ZNF417: variants seen among roughly 807,000 people sequenced by gnomAD.
ZNF417 encodes zinc finger protein 417.
A neutral mutation model predicts 7.4 loss-of-function variants in ZNF417; 5 were observed. The ratio of observed to expected loss-of-function variants is 0.68; its 90% CI spans 0.35 to 1.43. ZNF417 has a LOEUF of 1.43. ZNF417 is among the 40% of genes most tolerant of loss of function. The pLI, the probability that ZNF417 is intolerant of heterozygous loss-of-function variation, is 0.04. For missense variants in ZNF417, 437 were observed against 697.3 expected, an observed-to-expected ratio of 0.63 and a Z score of 4.20; for synonymous variants, 147 against 239.1, an observed-to-expected ratio of 0.61 and a Z score of 3.55.
intron 1 of ZNF417, among the ~76,000 whole-genome samples, chr19:57,913,401 G>C (rs988986164): frequency 3.9e-5 from 6 of 152,120 alleles, no homozygotes; most frequent in African/African-American, 1.4e-4. Context: ...TCACTTTTGT[G>C]CTGCACCAGC....
chr19:57,916,458 G>C lies in ZNF417; in HGVS notation c.-47C>G. 6.2e-7 allele frequency: 1 copy of C among 1,613,160 alleles called. No individual in the cohort carries two copies. The highest frequency in any genetic ancestry group is 1.1e-5 in the South Asian group (1 of 91,020). On this transcript the variant is annotated 5_prime_UTR_variant, in exon 1 of 3. Coordinates refer to ENST00000312026, the MANE Select transcript of ZNF417 (RefSeq NM_152475.3). The stretch of plus-strand genomic sequence containing the variant: ...GCCCGGGAGCAGTGGTCGCCGTCAC[G>C]GGGCTGCAGAGCCGCCTCTGGGCAC...
intron 1 of ZNF417, among the ~76,000 whole-genome samples, chr19:57,913,610 G>C (rs1001800470): frequency 3.3e-5 from 5 of 152,206 alleles, no homozygotes; most frequent in Admixed American, 2.6e-4. Context: ...GTGATAAATA[G>C]TTACAACTTG....
chr19:57,915,516 C>A (rs775627325), intron 1 of ZNF417: 1 of 467,960 alleles, frequency 2.1e-6, no homozygotes. Context: ...GTGAAACCGT[C>A]TTTGCAAAAT....
Position 57,906,844 on chromosome 19 carries a change from G to GTT in ZNF417, c.*1705_*1706insAA. On this transcript the variant is annotated 3_prime_UTR_variant, in exon 3 of 3. Transcript: ENST00000312026. ...ATAAAAGGTAACATTTAGGGATTGA[G>GTT]ATTTTTTTTTTTTTTTTTTTTTTTT... 7.3e-6 allele frequency: 1 copy of GTT among 136,312 alleles called. No homozygotes were observed. Among genetic ancestry groups the GTT allele is most frequent in the African/African-American group, 2.8e-5 (1 of 36,340 alleles). The allele number at this position is 136,312 out of a possible 1,614,324, so 8.4% of individuals were successfully genotyped here.
Position 57,916,542 on chromosome 19 carries a change from A to C in ZNF417, c.-131T>G. The stretch of plus-strand genomic sequence containing the variant: ...TCACCGCGGTCCCCCCCCAGCACTC[A>C]GGGGCCACAAACTGGGGAAACACCC... On this transcript the variant is annotated 5_prime_UTR_variant, in exon 1 of 3. Transcript: ENST00000312026. The C allele has an allele frequency of 1.3e-6, 2 of 1,537,488 alleles. No homozygotes were observed. Among genetic ancestry groups the C allele is most frequent in the Admixed American group, 4.2e-5 (2 of 47,130 alleles).
At chr19:57,912,859 T>G (rs558862423) in intron 1 of ZNF417, among the ~76,000 whole-genome samples, 230 of 152,096 alleles carry the variant, frequency 1.5e-3, no homozygotes, top group Non-Finnish European at 2.5e-3. Flanking sequence ...AAGTGATCCA[T>G]CCGCCTTGGC....
In ZNF417 at chr19:57,907,010, T is replaced by G. The variant is rs577713197; in HGVS notation, c.*1540A>C. 6.6e-6 allele frequency: 1 copy of G among 151,226 alleles called. No homozygotes were observed. Among genetic ancestry groups the G allele is most frequent in the Non-Finnish European group, 1.5e-5 (1 of 67,876 alleles). 9.4% of individuals were successfully genotyped at this position (151,226 alleles called of 1,614,324 possible). On this transcript the variant is annotated 3_prime_UTR_variant, in exon 3 of 3. Coordinates refer to ENST00000312026, the MANE Select transcript of ZNF417 (RefSeq NM_152475.3). ...CTGGGACTACAGGCACCCACCACTATGCTTGGGTAATTTTTGTATTTTTAG... is the reference window on the plus strand; with the variant it reads ...CTGGGACTACAGGCACCCACCACTAGGCTTGGGTAATTTTTGTATTTTTAG...
rs35069551 is a variant in ZNF417 at position 57,905,901 on chromosome 19, C to G, written c.*2649G>C. On this transcript the variant is annotated 3_prime_UTR_variant, in exon 3 of 3. Coordinates refer to ENST00000312026, the MANE Select transcript of ZNF417 (RefSeq NM_152475.3). ...AAGTTGTATTAATTCAAGACAAGAGCCTGCAGAGACTAAAATTGCTTAGTA... is the reference window on the plus strand; with the variant it reads ...AAGTTGTATTAATTCAAGACAAGAGGCTGCAGAGACTAAAATTGCTTAGTA... Among the ~76,000 whole-genome samples, 14 of 152,282 alleles carry G rather than the reference C, an allele frequency of 9.2e-5. No homozygotes were observed. Among genetic ancestry groups the G allele is most frequent in the Non-Finnish European group, 2.1e-4 (14 of 68,034 alleles).
chr19:57,911,503 C>A (rs552793879), intron 2 of ZNF417, among the ~76,000 whole-genome samples: 1 of 152,286 alleles, frequency 6.6e-6, no homozygotes, highest in Admixed American at 6.5e-5. Flanking sequence ...CCATCTCACA[C>A]CCAGTACATA....
chr19:57,916,045 T>A (rs572303551), intron 1 of ZNF417, among the ~76,000 whole-genome samples: 4 of 152,354 alleles, frequency 2.6e-5, no homozygotes, highest in South Asian at 4.1e-4. Context: ...TGTTGAAAAC[T>A]CTGATCCCGG....
chr19:57,914,692 G>A (rs929025597), intron 1 of ZNF417, among the ~76,000 whole-genome samples: 4 of 152,064 alleles, frequency 2.6e-5, no homozygotes, highest in African/African-American at 7.2e-5. Context: ...AGATGAAGCC[G>A]GTAGCCAGTA....
intron 1 of ZNF417, chr19:57,915,718 G>T (rs2071941616): frequency 2.5e-6 from 1 of 404,638 alleles, no homozygotes; most frequent in Non-Finnish European, 4.3e-6. Context: ...TTCTTGCCTG[G>T]AGAACAGCCT....
rs1437639580 is a variant in ZNF417 at position 57,908,732 on chromosome 19, C to T, written c.1546G>A (p.Gly516Arg). Reference protein sequence around the residue: ...ALHVHKRVHSGQKPYKCSECG... With the variant: ...ALHVHKRVHSRQKPYKCSECG... ...TCACTGCACTTATAAGGCTTTTGTC[C>T]AGAATGAACTCTTTTATGAACATGA... Residue 516 changes from glycine (G) to arginine (R), a missense_variant, in exon 3 of 3, where the codon GGA (glycine) becomes AGA (arginine). Physicochemically the swap from Gly to Arg is moderately radical, Grantham distance 125. This residue lies in a region of ZNF417 where 233 missense variants were observed against 235.5 expected (regional missense o/e 0.99). Coordinates refer to ENST00000312026, the MANE Select transcript of ZNF417 (RefSeq NM_152475.3). 1 of 1,614,010 alleles carries T rather than the reference C, an allele frequency of 6.2e-7. No individual in the cohort carries two copies. The highest frequency in any genetic ancestry group is 1.7e-5 in the Admixed American group (1 of 59,978).
At chr19:57,915,659 T>C (rs1360987154) in intron 1 of ZNF417, 5 of 384,816 alleles carry the variant, frequency 1.3e-5, no homozygotes, top group Admixed American at 4.4e-5. Flanking sequence ...CAGTTCATGG[T>C]TTCACTCTGA....
chr19:57,908,947 A>G lies in ZNF417; in HGVS notation c.1331T>C (p.Leu444Ser). 1 of 1,608,730 alleles carries G rather than the reference A, an allele frequency of 6.2e-7. No individual in the cohort carries two copies. The highest frequency in any genetic ancestry group is 8.5e-7 in the Non-Finnish European group (1 of 1,175,506). The change falls in exon 3 of 3, where the codon TTA becomes TCA. Residue 444 changes from leucine to serine, a missense_variant. Physicochemically the swap from Leu to Ser is moderately radical, Grantham distance 145. This residue lies in a region of ZNF417 where 233 missense variants were observed against 235.5 expected (regional missense o/e 0.99). Transcript: ENST00000312026. The part of the protein sequence containing the change: ...RPYNCRECGK[L>S]FNRKYHLLVH... ...GAGAAGATGATACTTCCTGTTAAAT[A>G]ATTTCCCACATTCCCTACAATTGTA...
intron 1 of ZNF417, among the ~76,000 whole-genome samples, chr19:57,913,881 A>G (rs1291363803): frequency 6.6e-6 from 1 of 152,162 alleles, no homozygotes; most frequent in Non-Finnish European, 1.5e-5. Context: ...AATCTGAAGC[A>G]TGTCCTCCTA....
In ZNF417 at chr19:57,916,395, G is replaced by A. The variant is rs1209929573; in HGVS notation, c.17C>T (p.Pro6Leu). 1.9e-6 allele frequency: 3 copies of A among 1,614,140 alleles called. No individual in the cohort carries two copies. The highest frequency in any genetic ancestry group is 1.7e-5 in the Admixed American group (1 of 60,026). The change falls in exon 1 of 3, where the codon CCG (proline) becomes CTG (leucine). Residue 6 changes from proline (P) to leucine (L), a missense_variant. Transcript: ENST00000312026. MAAAA[P>L]RRPTQQGTVT... is the part of the protein sequence containing the mutation. Reference sequence around the variant, plus strand: ...CACAATTACCTGAGTCGGGCGCCTCGGCGCAGCCGCTGCCATCGGACTACT... The same window carrying A: ...CACAATTACCTGAGTCGGGCGCCTCAGCGCAGCCGCTGCCATCGGACTACT...
At chr19:57,916,355 G>A (rs200014720) in intron 1 of ZNF417, 24 bp downstream of exon 1, 447 of 1,614,066 alleles carry the variant, frequency 2.8e-4, no homozygotes, top group African/African-American at 9.3e-5. Context: ...GGTGACCTGA[G>A]GGCACAGAAG....
rs1189781801 is a variant in ZNF417, at chr19:57,906,857, T to A, written c.*1693A>T. The A allele has an allele frequency of 8.6e-6, 1 of 116,892 alleles. No homozygotes were observed. Among genetic ancestry groups the A allele is most frequent in the African/African-American group, 3.3e-5 (1 of 30,534 alleles). The allele number at this position is 116,892 out of a possible 1,614,324, so 7.2% of individuals were successfully genotyped here. The stretch of plus-strand genomic sequence containing the variant: ...TTTAGGGATTGAGATTTTTTTTTTT[T>A]TTTTTTTTTTTTTTTGAGACGGAGT... On this transcript the variant is annotated 3_prime_UTR_variant, in exon 3 of 3. Transcript: ENST00000312026.
Sources: gnomAD v4.1 joint callset for allele counts (sites outside exome capture counted in the v4.1 genomes callset) on GRCh38, gnomAD v4.1.1 for gene constraint, gnomAD v4.1.1 regional missense constraint, MANE v1.5 for transcripts, NCBI Gene and HGNC (gene_info 2026-07-23, HGNC 2026-07-21) for gene names.